Variants in GTF2A1L observed in about 807,000 individuals in gnomAD.
The protein encoded by GTF2A1L is general transcription factor IIA subunit 1 like, also known as TFIIA-alpha and beta-like factor.
GTF2A1L carries 48 observed loss-of-function variants against 49.7 expected under a neutral mutation model. That is an observed-to-expected ratio of 0.97 (90% CI 0.77 to 1.23). The LOEUF (loss-of-function observed/expected upper bound fraction) is 1.23, where lower values mean the gene tolerates loss of function less well. GTF2A1L is among the 50% of genes most tolerant of loss of function. The probability of loss-of-function intolerance (pLI) is 0.00; values close to 1 mark genes in which losing one functional copy is unlikely to be tolerated. For missense variants in GTF2A1L, 736 were observed against 564.8 expected (o/e 1.30, Z -3.07); for synonymous variants, 246 against 193.5 (o/e 1.27, Z -2.25).
Position 48,617,899 on chromosome 2 carries a change from A to G in GTF2A1L, c.21+4A>G, listed in dbSNP as rs1280126875. On this transcript the variant is annotated splice_donor_region_variant and intron_variant, in intron 1 of 8. Coordinates refer to ENST00000403751, the MANE Select transcript of GTF2A1L (RefSeq NM_006872.5). Reference sequence around the variant, plus strand: ...CATGGCCTGCCTCAACCCGGTGGTAAGGAAGACCTCAGGCTCTGTGTAGAG... The same window carrying G: ...CATGGCCTGCCTCAACCCGGTGGTAGGGAAGACCTCAGGCTCTGTGTAGAG... 2 of 1,551,706 alleles carry G rather than the reference A, an allele frequency of 1.3e-6. No homozygotes were observed. The highest frequency in any genetic ancestry group is 2.4e-5 in the South Asian group (2 of 84,068).
At chr2:48,655,223 A>C (rs934210306) in intron 6 of GTF2A1L, among the ~76,000 whole-genome samples, 1 of 151,930 alleles carries the variant, frequency 6.6e-6, no homozygotes, top group Non-Finnish European at 1.5e-5. Context: ...TTATATTTTT[A>C]TCTAAATATT....
chr2:48,669,708 CT>C lies in GTF2A1L; in HGVS notation c.979-11del. ...ATTTGACTTGAACTTTATTGTATTT[CT>C]TTCTCTTTTTAGGATTCTAATTCTC... On this transcript the variant is annotated splice_polypyrimidine_tract_variant and intron_variant, in intron 6 of 8. Coordinates refer to ENST00000403751, the MANE Select transcript of GTF2A1L (RefSeq NM_006872.5). 6.3e-7 allele frequency: 1 copy of C among 1,593,386 alleles called. No homozygotes were observed. Among genetic ancestry groups the C allele is most frequent in the Non-Finnish European group, 8.6e-7 (1 of 1,168,844 alleles).
chr2:48,620,744 T>A (rs1042545261), intron 1 of GTF2A1L, 107 bp from the exon 2 acceptor site: 1 of 696,882 alleles, frequency 1.4e-6, no homozygotes, highest in Admixed American at 5.5e-5. Context: ...GCCACCGCAC[T>A]CCAGCCTGGG....
chr2:48,638,650 C>T (rs1677036820), intron 3 of GTF2A1L, among the ~76,000 whole-genome samples: 1 of 152,062 alleles, frequency 6.6e-6, no homozygotes, highest in Non-Finnish European at 1.5e-5. Flanking sequence ...ATGCATTCCC[C>T]TTGAAAACAG....
At chr2:48,622,147 A>C (rs557345723) in intron 3 of GTF2A1L, among the ~76,000 whole-genome samples, 2 of 152,236 alleles carry the variant, frequency 1.3e-5, no homozygotes, top group Non-Finnish European at 2.9e-5. Flanking sequence ...TGAAAATTAC[A>C]TGGGCCAAGG....
intron 6 of GTF2A1L, among the ~76,000 whole-genome samples, chr2:48,663,666 G>A (rs1678647082): frequency 6.6e-6 from 1 of 151,918 alleles, no homozygotes; most frequent in East Asian, 1.9e-4. Context: ...TTTGAGACAG[G>A]GTCTTGCTGT....
At chr2:48,644,440 T>C (rs945034947) in intron 4 of GTF2A1L, among the ~76,000 whole-genome samples, 2 of 152,248 alleles carry the variant, frequency 1.3e-5, no homozygotes, top group Non-Finnish European at 1.5e-5. Context: ...TAACAAACTT[T>C]TGTTGGTGAA....
At position 48,618,129 on chromosome 2, in the gene GTF2A1L, CTT is replaced by C. The variant is rs941914815; in HGVS notation, c.21+238_21+239del. On this transcript the variant is annotated intron_variant, in intron 1 of 8. Transcript: ENST00000403751. ...CCAAAAGAACAAGTGCCCTTTTTCTCTTTTTACCCAAACTGAGGCTATCTAGT... is the reference window on the plus strand; with the variant it reads ...CCAAAAGAACAAGTGCCCTTTTTCTCTTTACCCAAACTGAGGCTATCTAGT... 3.0e-5 allele frequency: 16 copies of C among 529,948 alleles called. No homozygotes were observed. The African/African-American group carries it at 3.1e-4, about 10-fold the overall frequency. The allele number at this position is 529,948 out of a possible 1,614,324, so 32.8% of individuals were successfully genotyped here. A position where few individuals can be genotyped will look rare whatever the true frequency, so the allele number is the denominator to read the frequency against.
At chr2:48,654,008 T>G (rs1572745404) in intron 6 of GTF2A1L, among the ~76,000 whole-genome samples, 1 of 151,966 alleles carries the variant, frequency 6.6e-6, no homozygotes, top group African/African-American at 2.4e-5. Context: ...GTGGGATTGT[T>G]AGATAAGATG....
intron 1 of GTF2A1L, among the ~76,000 whole-genome samples, chr2:48,619,046 C>T (rs922401886): frequency 1.8e-4 from 27 of 152,072 alleles, no homozygotes; most frequent in Admixed American, 1.8e-3. Flanking sequence ...AGAAGAAGCA[C>T]CTAATTTAGG....
Position 48,646,504 on chromosome 2 carries a change from G to A in GTF2A1L, c.440G>A (p.Arg147Lys). ...VPIMVTETSG[R>K]AGILQHPIQQ... ...ATTATGGTGACAGAGACTTCTGGAA[G>A]AGCAGGTATTCTTCAGCATCCAATT... The change falls in exon 6 of 9, where the codon AGA (arginine) becomes AAA (lysine). Residue 147 changes from arginine (R) to lysine (K), a missense_variant. Arg to Lys is a conservative substitution (Grantham distance 26, BLOSUM62 2). Coordinates refer to ENST00000403751, the MANE Select transcript of GTF2A1L (RefSeq NM_006872.5). The A allele has an allele frequency of 6.2e-7, 1 of 1,613,732 alleles. No homozygotes were observed. Among genetic ancestry groups the A allele is most frequent in the Non-Finnish European group, 8.5e-7 (1 of 1,179,966 alleles).
At chr2:48,669,601 C>G in intron 6 of GTF2A1L, 121 bp from the exon 7 acceptor site, 1 of 1,208,484 alleles carries the variant, frequency 8.3e-7, no homozygotes, top group African/African-American at 1.5e-5. Context: ...ATTTTAATGT[C>G]ATAAGAGAGA....
At chr2:48,639,717 A>T (rs1677098294) in intron 3 of GTF2A1L, among the ~76,000 whole-genome samples, 1 of 152,230 alleles carries the variant, frequency 6.6e-6, no homozygotes, top group African/African-American at 2.4e-5. Flanking sequence ...AATTAAACTT[A>T]AGAGTTTCTG....
chr2:48,649,599 G>A (rs760914945), intron 6 of GTF2A1L, among the ~76,000 whole-genome samples: 25 of 152,152 alleles, frequency 1.6e-4, no homozygotes, highest in Non-Finnish European at 3.1e-4. Context: ...GGTAGGATTA[G>A]TTAAGAAAAT....
intron 6 of GTF2A1L, among the ~76,000 whole-genome samples, chr2:48,665,383 C>G (rs1298104032): frequency 4.5e-5 from 6 of 132,326 alleles, no homozygotes; most frequent in African/African-American, 1.7e-4. Context: ...TTTTGGCCTT[C>G]TTTTTCTAGT....
At chr2:48,676,188 C>T (rs180801029) in intron 8 of GTF2A1L, among the ~76,000 whole-genome samples, 116 of 151,856 alleles carry the variant, frequency 7.6e-4, no homozygotes, top group Non-Finnish European at 1.3e-3. Flanking sequence ...TATGAGGAGG[C>T]TTTCTTTGTG....
chr2:48,665,037 TC>T (rs1678737094), intron 6 of GTF2A1L, among the ~76,000 whole-genome samples: 1 of 152,120 alleles, frequency 6.6e-6, no homozygotes, highest in Non-Finnish European at 1.5e-5. Flanking sequence ...TTCTCGTGCC[TC>T]AGCCTCCCGA....
chr2:48,668,163 C>T (rs1678952058), intron 6 of GTF2A1L, among the ~76,000 whole-genome samples: 1 of 152,008 alleles, frequency 6.6e-6, no homozygotes, highest in African/African-American at 2.4e-5. Flanking sequence ...CCTGTGTTTG[C>T]CTTATTTCAC....
chr2:48,655,645 T>C (rs955121184), intron 6 of GTF2A1L, among the ~76,000 whole-genome samples: 4 of 152,236 alleles, frequency 2.6e-5, no homozygotes, highest in Non-Finnish European at 4.4e-5. Flanking sequence ...TCACTACTGA[T>C]TTTTAAAAAT....
Sources: gnomAD v4.1 joint callset for allele counts (sites outside exome capture counted in the v4.1 genomes callset) on GRCh38, gnomAD v4.1.1 for gene constraint, MANE v1.5 for transcripts, NCBI Gene and HGNC (gene_info 2026-07-23, HGNC 2026-07-21) for gene names.